CCDC57: variants seen among roughly 807,000 people sequenced by gnomAD.
CCDC57 encodes coiled-coil domain-containing protein 57.
A neutral mutation model predicts 118.9 loss-of-function variants in CCDC57; 118 were observed. The ratio of observed to expected loss-of-function variants is 0.99; its 90% CI spans 0.86 to 1.16. The LOEUF is 1.16. CCDC57 is among the 50% of genes most tolerant of loss of function. The pLI, the probability that CCDC57 is intolerant of heterozygous loss-of-function variation, is 0.00. For missense variants in CCDC57, 1,300 were observed against 1,320.7 expected (o/e 0.98, Z 0.24); for synonymous variants, 527 against 532.9 (o/e 0.99, Z 0.15).
chr17:82,113,258 C>T, intron 19 of CCDC57: 1 of 629,998 alleles, frequency 1.6e-6, no homozygotes, highest in South Asian at 1.9e-5. Context: ...TTCAGGGCAC[C>T]CCAGTGCTCC....
At chr17:82,196,392 C>T (rs1402591380) in intron 4 of CCDC57, among the ~76,000 whole-genome samples, 3 of 152,232 alleles carry the variant, frequency 2.0e-5, no homozygotes, top group Non-Finnish European at 4.4e-5. Flanking sequence ...AGAAAGTCCT[C>T]TGCAGGCCAT....
At chr17:82,165,838 C>T (rs1305732717) in intron 13 of CCDC57, among the ~76,000 whole-genome samples, 1 of 152,156 alleles carries the variant, frequency 6.6e-6, no homozygotes, top group Non-Finnish European at 1.5e-5. Context: ...ATCATCAAGG[C>T]TCTGGAAAGT....
intron 2 of CCDC57, among the ~76,000 whole-genome samples, chr17:82,202,784 C>T (rs1180818417): frequency 6.6e-6 from 1 of 151,968 alleles, no homozygotes; most frequent in Non-Finnish European, 1.5e-5. Flanking sequence ...AAAAAGAAAT[C>T]CAGGGGAAGT....
chr17:82,174,463 G>A (rs1305756057), intron 11 of CCDC57, among the ~76,000 whole-genome samples: 3 of 152,178 alleles, frequency 2.0e-5, no homozygotes, highest in Admixed American at 6.5e-5. Flanking sequence ...CTCTCTAGCT[G>A]GGAAAGCCGG....
At chr17:82,134,183 G>C (rs1029402000) in exon 17 of CCDC57, 27 of 1,325,026 alleles carry the variant, frequency 2.0e-5, no homozygotes, top group Admixed American at 2.0e-4. Context: ...AGGGCGTGGT[G>C]CAACAGCCAC....
At chr17:82,123,122 C>CTT (rs34869339) in intron 19 of CCDC57, among the ~76,000 whole-genome samples, 22,414 of 105,692 alleles carry the variant, frequency 0.21, 3,601 homozygotes, top group African/African-American at 0.27. Context: ...CTCCTAATAA[C>CTT]TTTTTTTTTT....
chr17:82,149,288 G>A (rs1326566748), intron 16 of CCDC57, among the ~76,000 whole-genome samples: 1 of 151,464 alleles, frequency 6.6e-6, no homozygotes, highest in Non-Finnish European at 1.5e-5. Flanking sequence ...ATGGATAGAT[G>A]GATGGGTGGT....
intron 16 of CCDC57, among the ~76,000 whole-genome samples, chr17:82,147,525 G>A (rs1206478795): frequency 2.0e-5 from 3 of 150,050 alleles, no homozygotes; most frequent in Non-Finnish European, 3.0e-5. Context: ...AGATGGGTGG[G>A]TGGACGGATG....
chr17:82,117,455 A>G (rs2036066615), intron 19 of CCDC57, among the ~76,000 whole-genome samples: 1 of 152,220 alleles, frequency 6.6e-6, no homozygotes, highest in Non-Finnish European at 1.5e-5. Context: ...AGCCTGGGCA[A>G]CATGGCAAGA....
At chr17:82,109,893 A>G (rs1331754795) in intron 19 of CCDC57, among the ~76,000 whole-genome samples, 1 of 151,996 alleles carries the variant, frequency 6.6e-6, no homozygotes, top group East Asian at 1.9e-4. Context: ...AAGATCCAAC[A>G]ATAAAAGATC....
chr17:82,120,147 C>G (rs2036474361), intron 19 of CCDC57, among the ~76,000 whole-genome samples: 1 of 151,350 alleles, frequency 6.6e-6, no homozygotes, highest in Non-Finnish European at 1.5e-5. Flanking sequence ...TTAACTATTT[C>G]AGTATCATTT....
At chr17:82,158,687 CAA>C (rs373874358) in intron 14 of CCDC57, among the ~76,000 whole-genome samples, 58,200 of 110,450 alleles carry the variant, frequency 0.53, 12,440 homozygotes, top group East Asian at 0.86. Context: ...GACTCCATTT[CAA>C]AAAAAAAAAA....
chr17:82,145,430 C>G (rs1271260439), intron 16 of CCDC57, among the ~76,000 whole-genome samples: 2 of 151,924 alleles, frequency 1.3e-5, no homozygotes, highest in Non-Finnish European at 2.9e-5. Flanking sequence ...GCCTGTAATA[C>G]CAGCTACTTG....
chr17:82,103,409 C>T (rs1190434025), intron 19 of CCDC57, among the ~76,000 whole-genome samples: 1 of 152,136 alleles, frequency 6.6e-6, no homozygotes, highest in African/African-American at 2.4e-5. Context: ...AGGCTACCAC[C>T]CTTTATCTCT....
chr17:82,188,617 G>C (rs2047273474), intron 7 of CCDC57, among the ~76,000 whole-genome samples, 198 bp from the exon 7 acceptor site: 1 of 152,246 alleles, frequency 6.6e-6, no homozygotes, highest in South Asian at 2.1e-4. Flanking sequence ...TTCGATGCCA[G>C]GCCCCTGGCC....
Position 82,157,720 on chromosome 17 carries a change from G to C in CCDC57, c.2241+28C>G, listed in dbSNP as rs1438602560. 3.9e-6 allele frequency: 6 copies of C among 1,556,446 alleles called. No individual in the cohort carries two copies. In the South Asian group the frequency reaches 7.1e-5, roughly 18 times the overall value. On this transcript the variant is annotated intron_variant, in intron 15 of 19. Coordinates refer to ENST00000665763, the Ensembl canonical transcript of CCDC57. The stretch of plus-strand genomic sequence containing the variant: ...GTTTCTGTGGCAGGAACCTCGGCGG[G>C]TGGCAGGAGGAGCTAGCGGGCACCC...
At chr17:82,199,230 C>T (rs1221030050) in intron 3 of CCDC57, among the ~76,000 whole-genome samples, 6 of 152,056 alleles carry the variant, frequency 3.9e-5, no homozygotes, top group African/African-American at 7.2e-5. Context: ...GTAATTCCAG[C>T]GCTTTGGGAG....
intron 3 of CCDC57, among the ~76,000 whole-genome samples, 164 bp from the exon 3 acceptor site, chr17:82,198,586 A>C (rs2048578408): frequency 1.3e-5 from 2 of 152,136 alleles, no homozygotes. Flanking sequence ...CACCTGGACC[A>C]GCATGCTACA....
intron 15 of CCDC57, 58 bp from the exon 15 acceptor site, chr17:82,151,831 A>T: frequency 6.9e-7 from 1 of 1,458,812 alleles, no homozygotes. Flanking sequence ...GGAGGACGCC[A>T]GGGGTGCCCA....
Sources: allele counts gnomAD v4.1 joint callset (sites outside exome capture counted in the v4.1 genomes callset), GRCh38; gene constraint gnomAD v4.1.1; transcripts MANE v1.5; gene names NCBI Gene and HGNC (gene_info 2026-07-23, HGNC 2026-07-21).